Variants in COMMD10 observed in about 807,000 individuals in gnomAD.
COMMD10 encodes COMM domain-containing protein 10.
In COMMD10, 33 loss-of-function variants were observed where a neutral mutation model predicts 28.9. That is an observed-to-expected ratio of 1.14 (90% CI 0.87 to 1.53). COMMD10 has a LOEUF of 1.53. Ranked by LOEUF, COMMD10 falls within the 40% of genes most tolerant of loss-of-function variation. COMMD10 has a pLI of 0.00. For synonymous variants in COMMD10, 110 were observed against 81.7 expected, an observed-to-expected ratio of 1.35 and a Z score of -1.87; for missense variants, 310 against 233.4, an observed-to-expected ratio of 1.33 and a Z score of -2.14.
At chr5:116,167,903 A>G (rs779209085) in intron 5 of COMMD10, among the ~76,000 whole-genome samples, 8 of 152,174 alleles carry the variant, frequency 5.3e-5, no homozygotes, top group Non-Finnish European at 8.8e-5. Context: ...GACCATCGAC[A>G]CTATGAAGAA....
At chr5:116,211,421 A>G (rs896172093) in intron 5 of COMMD10, among the ~76,000 whole-genome samples, 1 of 152,130 alleles carries the variant, frequency 6.6e-6, no homozygotes, top group Non-Finnish European at 1.5e-5. Flanking sequence ...AAGTATTTGT[A>G]TATTTAAACA....
At position 116,134,193 on chromosome 5, in the gene COMMD10, C is replaced by G; in HGVS notation, c.510+15C>G. 1 of 1,403,946 alleles carries G rather than the reference C, an allele frequency of 7.1e-7. No homozygotes were observed. Among genetic ancestry groups the G allele is most frequent in the Non-Finnish European group, 1.0e-6 (1 of 987,986 alleles). 87.0% of individuals were successfully genotyped at this position (1,403,946 alleles called of 1,614,324 possible). On this transcript the variant is annotated intron_variant, in intron 5 of 6. Transcript: ENST00000274458. ...AAGATTCAAAGGTAAGAAATGGTAT[C>G]CCATTAAAAGGATGTATTTTGTTTG... is the stretch of plus-strand genomic sequence containing the variant.
intron 5 of COMMD10, among the ~76,000 whole-genome samples, chr5:116,178,898 C>T (rs908890325): frequency 1.3e-5 from 2 of 152,024 alleles, no homozygotes; most frequent in South Asian, 2.1e-4. Flanking sequence ...ACATTGTATA[C>T]CTTAATTATT....
At chr5:116,208,057 T>G (rs570804692) in intron 5 of COMMD10, among the ~76,000 whole-genome samples, 1 of 152,270 alleles carries the variant, frequency 6.6e-6, no homozygotes, top group South Asian at 2.1e-4. Context: ...TTGTACTGCT[T>G]ACTAGAAAAG....
At chr5:116,227,164 A>G (rs1388684355) in intron 5 of COMMD10, among the ~76,000 whole-genome samples, 2 of 152,054 alleles carry the variant, frequency 1.3e-5, no homozygotes, top group Non-Finnish European at 2.9e-5. Context: ...AAGTATCACT[A>G]CTTTAGCACT....
chr5:116,243,554 A>G (rs561849540), intron 5 of COMMD10, among the ~76,000 whole-genome samples: 33 of 152,284 alleles, frequency 2.2e-4, no homozygotes, highest in South Asian at 1.2e-3. Context: ...AAATAAAAAT[A>G]TAGTTCAGCC....
At chr5:116,174,110 A>G (rs910432436) in intron 5 of COMMD10, among the ~76,000 whole-genome samples, 1 of 151,818 alleles carries the variant, frequency 6.6e-6, no homozygotes, top group Admixed American at 6.6e-5. Flanking sequence ...GGATATGGAG[A>G]TGGAGAGCAA....
intron 5 of COMMD10, among the ~76,000 whole-genome samples, chr5:116,219,782 G>A (rs1378882069): frequency 6.6e-6 from 1 of 152,130 alleles, no homozygotes; most frequent in Non-Finnish European, 1.5e-5. Context: ...ATACTTTTCT[G>A]TGTCTAATGA....
At chr5:116,182,329 A>G (rs1368905179) in intron 5 of COMMD10, among the ~76,000 whole-genome samples, 1 of 148,362 alleles carries the variant, frequency 6.7e-6, no homozygotes, top group Non-Finnish European at 1.5e-5. Context: ...GAGAAAGAGG[A>G]GAGAAATTAA....
chr5:116,104,496 G>T, intron 4 of COMMD10, among the ~76,000 whole-genome samples: 1 of 152,134 alleles, frequency 6.6e-6, no homozygotes, highest in East Asian at 1.9e-4. Context: ...CATTGATTTT[G>T]TATCCTGAGA....
intron 5 of COMMD10, among the ~76,000 whole-genome samples, chr5:116,264,242 G>A (rs1352632206): frequency 1.3e-5 from 2 of 151,738 alleles, no homozygotes; most frequent in Non-Finnish European, 2.9e-5. Flanking sequence ...GGTGCTGGGG[G>A]AAGAAAGAGG....
chr5:116,166,107 T>G (rs953224755), intron 5 of COMMD10, among the ~76,000 whole-genome samples: 2 of 151,926 alleles, frequency 1.3e-5, no homozygotes, highest in African/African-American at 4.8e-5. Context: ...TTTAAATATT[T>G]CTATAGTTTT....
chr5:116,224,989 T>C (rs1749354951), intron 5 of COMMD10, among the ~76,000 whole-genome samples: 1 of 152,210 alleles, frequency 6.6e-6, no homozygotes, highest in Non-Finnish European at 1.5e-5. Flanking sequence ...TTATATAATA[T>C]CCTTTAACAA....
intron 5 of COMMD10, among the ~76,000 whole-genome samples, chr5:116,287,654 C>T (rs536980979): frequency 7.9e-5 from 12 of 151,364 alleles, no homozygotes; most frequent in African/African-American, 2.7e-4. Context: ...TCTCTCATTG[C>T]CTTTCTTTGT....
chr5:116,209,612 A>G (rs1561668394), intron 5 of COMMD10, among the ~76,000 whole-genome samples: 1 of 152,172 alleles, frequency 6.6e-6, no homozygotes, highest in African/African-American at 2.4e-5. Flanking sequence ...GCCTAGTTAA[A>G]TGGTCTCAAA....
intron 5 of COMMD10, among the ~76,000 whole-genome samples, chr5:116,138,414 A>G (rs1752093989): frequency 6.6e-6 from 1 of 151,842 alleles, no homozygotes; most frequent in Non-Finnish European, 1.5e-5. Flanking sequence ...CTTTATTTCT[A>G]GAGAGTAATG....
At chr5:116,157,435 T>A (rs74597668) in intron 5 of COMMD10, among the ~76,000 whole-genome samples, 1,799 of 152,236 alleles carry the variant, frequency 0.012, 35 homozygotes, top group African/African-American at 0.04. Context: ...CGGGTCTAGT[T>A]TGGGATGATT....
intron 5 of COMMD10, among the ~76,000 whole-genome samples, chr5:116,224,428 C>T (rs755521699): frequency 1.3e-5 from 2 of 152,090 alleles, no homozygotes; most frequent in Non-Finnish European, 2.9e-5. Context: ...TATTTTGGCT[C>T]ATGTTTCTGC....
intron 5 of COMMD10, among the ~76,000 whole-genome samples, chr5:116,287,630 T>C (rs1456087458): frequency 2.6e-5 from 4 of 151,726 alleles, no homozygotes; most frequent in Non-Finnish European, 5.9e-5. Flanking sequence ...GCTGTCTATG[T>C]CTTGTTCCTT....
Sources: allele counts gnomAD v4.1 joint callset (sites outside exome capture counted in the v4.1 genomes callset), GRCh38; gene constraint gnomAD v4.1.1; transcripts MANE v1.5; gene names NCBI Gene and HGNC (gene_info 2026-07-23, HGNC 2026-07-21).